Variants in SLC9C1 observed in about 807,000 individuals in gnomAD.
SLC9C1 encodes the protein sodium/hydrogen exchanger 10.
SLC9C1 carries 97 observed loss-of-function variants against 140.9 expected under a neutral mutation model. That is an observed-to-expected ratio of 0.69 (90% CI 0.58 to 0.82). SLC9C1 has a LOEUF of 0.82. Among genes scored for constraint, SLC9C1 ranks in the 40% least tolerant of loss-of-function variants. The pLI is 0.00. For synonymous variants in SLC9C1, 440 were observed against 442.6 expected, an observed-to-expected ratio of 0.99 and a Z score of 0.07; for missense variants, 1,340 against 1,389.3, an observed-to-expected ratio of 0.96 and a Z score of 0.56.
chr3:112,233,665 G>A (rs1199162432), intron 12 of SLC9C1, among the ~76,000 whole-genome samples: 2 of 140,446 alleles, frequency 1.4e-5, no homozygotes, highest in African/African-American at 2.6e-5. Flanking sequence ...AGTGTGTGAT[G>A]TTACCCTTCC....
intron 23 of SLC9C1, among the ~76,000 whole-genome samples, chr3:112,171,236 G>A (rs975995521): frequency 6.6e-6 from 1 of 151,870 alleles, no homozygotes; most frequent in African/African-American, 2.4e-5. Context: ...GAAAAGAAAA[G>A]AAAAGAAAAT....
rs760532874 is a variant in SLC9C1 at position 112,262,979 on chromosome 3, G to T, written c.1142C>A (p.Ala381Asp). 1 of 1,602,436 alleles carries T rather than the reference G, an allele frequency of 6.2e-7. No homozygotes were observed. The highest frequency in any genetic ancestry group is 8.5e-7 in the Non-Finnish European group (1 of 1,175,538). ...AAGATCAGAGTAGGCAAGCAGAAGG[G>T]CCATGTTTATATTAGGCATCCCCTT... ...EMKGMPNINM[A>D]LLLAYSDLYF... The change falls in exon 10 of 29, where the codon GCC becomes GAC. Residue 381 changes from alanine (A) to aspartate (D), a missense_variant. Ala to Asp is a moderately radical substitution (Grantham distance 126). Transcript: ENST00000305815.
intron 6 of SLC9C1, 36 bp downstream of exon 6, chr3:112,274,861 C>A: frequency 1.4e-6 from 2 of 1,461,686 alleles, no homozygotes; most frequent in Non-Finnish European, 1.8e-6. Context: ...ATACAGGATT[C>A]TGATGTTGAG....
At chr3:112,212,986 C>T (rs1016932126) in intron 15 of SLC9C1, among the ~76,000 whole-genome samples, 2 of 152,158 alleles carry the variant, frequency 1.3e-5, no homozygotes, top group African/African-American at 2.4e-5. Flanking sequence ...AAGGGAAGCC[C>T]ATCAGAATAA....
At chr3:112,233,749 T>C (rs1230519214) in intron 12 of SLC9C1, among the ~76,000 whole-genome samples, 1 of 151,736 alleles carries the variant, frequency 6.6e-6, no homozygotes, top group Non-Finnish European at 1.5e-5. Flanking sequence ...TTTGTGCTTG[T>C]GATAGTTGGC....
chr3:112,193,012 G>A (rs1311903497), intron 20 of SLC9C1, among the ~76,000 whole-genome samples: 1 of 152,052 alleles, frequency 6.6e-6, no homozygotes, highest in Non-Finnish European at 1.5e-5. Flanking sequence ...AGTAGGTCTT[G>A]GGGTGTCGGT....
chr3:112,208,622 C>G (rs758454058), intron 15 of SLC9C1, among the ~76,000 whole-genome samples: 1 of 152,086 alleles, frequency 6.6e-6, no homozygotes, highest in African/African-American at 2.4e-5. Context: ...ATCTCATTCA[C>G]TTTTTCTTTT....
At chr3:112,268,628 C>G (rs182978222) in intron 7 of SLC9C1, among the ~76,000 whole-genome samples, 2 of 152,276 alleles carry the variant, frequency 1.3e-5, no homozygotes, top group Non-Finnish European at 2.9e-5. Context: ...AAGGGTCTTG[C>G]TGACTTTGTT....
intron 13 of SLC9C1, among the ~76,000 whole-genome samples, chr3:112,221,438 A>G (rs1377655020): frequency 6.6e-6 from 1 of 152,178 alleles, no homozygotes; most frequent in Non-Finnish European, 1.5e-5. Flanking sequence ...AGGAAACTAG[A>G]GCTCTTCTAG....
At chr3:112,262,836 A>G (rs2079811952) in intron 10 of SLC9C1, 88 bp downstream of exon 10, 3 of 1,155,410 alleles carry the variant, frequency 2.6e-6, no homozygotes, top group Non-Finnish European at 3.4e-6. Context: ...AGTGAAGTTG[A>G]GCTACCTCAC....
intron 28 of SLC9C1, among the ~76,000 whole-genome samples, chr3:112,142,316 A>G (rs1018084265): frequency 6.6e-5 from 10 of 152,086 alleles, no homozygotes. Context: ...TTAGATTACT[A>G]TTTTCTCCAT....
At chr3:112,235,334 G>A (rs902708098) in intron 12 of SLC9C1, among the ~76,000 whole-genome samples, 4 of 147,278 alleles carry the variant, frequency 2.7e-5, no homozygotes, top group Admixed American at 7.0e-5. Context: ...TGTATCCTGA[G>A]ACTTTGCTGA....
At chr3:112,190,766 T>C (rs2077642301) in intron 20 of SLC9C1, among the ~76,000 whole-genome samples, 1 of 152,080 alleles carries the variant, frequency 6.6e-6, no homozygotes, top group Admixed American at 6.6e-5. Context: ...TTTTTGCCCT[T>C]TTTAAATTGA....
chr3:112,176,866 C>T (rs545226371), intron 23 of SLC9C1, among the ~76,000 whole-genome samples: 1 of 152,190 alleles, frequency 6.6e-6, no homozygotes, highest in East Asian at 1.9e-4. Context: ...TAAGAGCAAG[C>T]CTTCTTCTAG....
At chr3:112,221,004 A>G in intron 14 of SLC9C1, 124 bp downstream of exon 14, 2 of 682,572 alleles carry the variant, frequency 2.9e-6, no homozygotes, top group Non-Finnish European at 4.8e-6. Context: ...CTGCTGTAAT[A>G]CTATAGTATT....
intron 10 of SLC9C1, among the ~76,000 whole-genome samples, chr3:112,250,424 A>G (rs1033738283): frequency 7.2e-6 from 1 of 138,970 alleles, no homozygotes; most frequent in African/African-American, 2.7e-5. Flanking sequence ...TTGGGTATAT[A>G]CCTAGTAATG....
rs1411153930 is a variant in SLC9C1, at chr3:112,141,311, CAT to C, written c.3525-32_3525-31del. The C allele has an allele frequency of 1.0e-5, 16 of 1,572,036 alleles. No individual in the cohort carries two copies. In the African/African-American group the frequency reaches 1.3e-4, roughly 12 times the overall value. ...TAGAAGCGGAAAGAAAAAACAAAAA[CAT>C]AGAGGGCTTTTGAATCTTTCAATAT... On this transcript the variant is annotated intron_variant, in intron 28 of 28. Coordinates refer to ENST00000305815, the MANE Select transcript of SLC9C1 (RefSeq NM_183061.3).
chr3:112,252,646 C>A (rs2079494472), intron 10 of SLC9C1, among the ~76,000 whole-genome samples: 1 of 152,160 alleles, frequency 6.6e-6, no homozygotes, highest in Non-Finnish European at 1.5e-5. Context: ...AATTTCAGAA[C>A]TCTCTGGGAC....
chr3:112,197,315 G>T lies in SLC9C1; in HGVS notation c.2523+2006C>A, dbSNP rs954517139. Among the ~76,000 whole-genome samples the T allele has an allele frequency of 2.0e-5, 3 of 152,148 alleles. No individual in the cohort carries two copies. The East Asian group carries it at 5.8e-4, about 29-fold the overall frequency. Reference sequence around the variant, plus strand: ...TCCTTTGGAAGTCACTTCAGCCAGAGGGGGAGGGCTTACAATAATGTGAGG... The same window carrying T: ...TCCTTTGGAAGTCACTTCAGCCAGATGGGGAGGGCTTACAATAATGTGAGG... On this transcript the variant is annotated intron_variant, in intron 20 of 28. Transcript: ENST00000305815.
Sources: gnomAD v4.1 joint callset for allele counts (sites outside exome capture counted in the v4.1 genomes callset) on GRCh38, gnomAD v4.1.1 for gene constraint, MANE v1.5 for transcripts, NCBI Gene and HGNC (gene_info 2026-07-23, HGNC 2026-07-21) for gene names.